Variants in HIPK3 observed in about 807,000 individuals in gnomAD.
The protein encoded by HIPK3 is homeodomain interacting protein kinase 3.
In HIPK3, 47 loss-of-function variants were observed where a neutral mutation model predicts 124.2. The ratio of observed to expected loss-of-function variants is 0.38; its 90% CI spans 0.30 to 0.48. The LOEUF (loss-of-function observed/expected upper bound fraction) is 0.48. HIPK3 is among the 20% of genes least tolerant of loss of function. The probability of loss-of-function intolerance (pLI) is 0.98; values close to 1 mark genes in which losing one functional copy is unlikely to be tolerated. For synonymous variants in HIPK3, 482 were observed against 515.2 expected, an observed-to-expected ratio of 0.94 and a Z score of 0.87; for missense variants, 1,286 against 1,454.3, an observed-to-expected ratio of 0.88 and a Z score of 1.88.
At chr11:33,273,599 G>T (rs146402654) in intron 1 of HIPK3, among the ~76,000 whole-genome samples, 1 of 149,260 alleles carries the variant, frequency 6.7e-6, no homozygotes, top group African/African-American at 2.5e-5. Context: ...AAAGTGGAAT[G>T]TCTGGCAACT....
At chr11:33,327,550 G>C (rs897608309) in intron 2 of HIPK3, among the ~76,000 whole-genome samples, 1 of 152,176 alleles carries the variant, frequency 6.6e-6, no homozygotes, top group Non-Finnish European at 1.5e-5. Context: ...AGCTTAGAAG[G>C]TGGAGATGTA....
chr11:33,257,785 G>A lies in HIPK3; in HGVS notation c.-107G>A, dbSNP rs928321565. On this transcript the variant is annotated 5_prime_UTR_variant, in exon 1 of 17. Transcript: ENST00000303296. ...GAGCCCGGGCTGGGTGGTGCCGCCT[G>A]CTGAAGCGCCTGGCTCCCGGTCCCC... 8 of 986,740 alleles carry A rather than the reference G, an allele frequency of 8.1e-6. No individual in the cohort carries two copies. The highest frequency in any genetic ancestry group is 9.6e-6 in the Non-Finnish European group (8 of 831,056). 61.1% of individuals were successfully genotyped at this position (986,740 alleles called of 1,614,324 possible).
chr11:33,348,844 A>G (rs1211558468), intron 13 of HIPK3, 26 bp downstream of exon 13: 3 of 1,597,822 alleles, frequency 1.9e-6, no homozygotes, highest in Admixed American at 3.4e-5. Flanking sequence ...TGCATCCTCA[A>G]AGGATATAGA....
rs892538329 is a variant in HIPK3, at chr11:33,257,709, C to T, written c.-183C>T. The T allele has an allele frequency of 7.1e-6, 7 of 990,482 alleles. No homozygotes were observed. Among genetic ancestry groups the T allele is most frequent in the African/African-American group, 1.7e-5 (1 of 57,302 alleles). 61.4% of individuals were successfully genotyped at this position (990,482 alleles called of 1,614,324 possible). Reference sequence around the variant, plus strand: ...CAGCGGTCGGGGGAGGGTGTTTCGCCGTTTCCTCTCAGCCGCCAGGACAAG... The same window carrying T: ...CAGCGGTCGGGGGAGGGTGTTTCGCTGTTTCCTCTCAGCCGCCAGGACAAG... On this transcript the variant is annotated 5_prime_UTR_variant, in exon 1 of 17. Transcript: ENST00000303296.
intron 2 of HIPK3, among the ~76,000 whole-genome samples, chr11:33,308,393 A>G (rs532885812): frequency 6.6e-5 from 10 of 152,288 alleles, no homozygotes; most frequent in Admixed American, 5.9e-4. Flanking sequence ...AATTTCTGCA[A>G]AACTATTTTA....
chr11:33,281,607 G>A lies in HIPK3; in HGVS notation c.-2-4806G>A, dbSNP rs550174999. Among the ~76,000 whole-genome samples the A allele has an allele frequency of 9.2e-5, 14 of 152,208 alleles. No individual in the cohort carries two copies. The East Asian group carries it at 2.7e-3, about 29-fold the overall frequency. ...GCCAGTATTGTTACTCTTCACCAAG[G>A]CAAAGAAACCCTCAATTTCTTTATA... On this transcript the variant is annotated intron_variant, in intron 1 of 16. Coordinates refer to ENST00000303296, the MANE Select transcript of HIPK3 (RefSeq NM_005734.5).
At chr11:33,325,706 A>G (rs572614578) in intron 2 of HIPK3, among the ~76,000 whole-genome samples, 1 of 152,202 alleles carries the variant, frequency 6.6e-6, no homozygotes, top group Non-Finnish European at 1.5e-5. Flanking sequence ...TACTGAATGC[A>G]TATTCTTTAC....
chr11:33,273,845 C>G (rs1851203560), intron 1 of HIPK3, among the ~76,000 whole-genome samples: 1 of 152,128 alleles, frequency 6.6e-6, no homozygotes, highest in Non-Finnish European at 1.5e-5. Flanking sequence ...AAGTACTATA[C>G]TCAAGCTTAT....
In HIPK3 at chr11:33,353,879, G is replaced by A. The variant is rs1853746201; in HGVS notation, c.*311G>A. 1 of 326,238 alleles carries A rather than the reference G, an allele frequency of 3.1e-6. No homozygotes were observed. Among genetic ancestry groups the A allele is most frequent in the African/African-American group, 2.1e-5 (1 of 46,750 alleles). 20.2% of individuals were successfully genotyped at this position (326,238 alleles called of 1,614,324 possible). A position where few individuals can be genotyped will look rare whatever the true frequency, so the allele number is the denominator to read the frequency against. ...TAGTGCAAGACACGTCTACATTTGG[G>A]AAGCCATTCTGTGTACAGACTTAGA... On this transcript the variant is annotated 3_prime_UTR_variant, in exon 17 of 17. Coordinates refer to ENST00000303296, the MANE Select transcript of HIPK3 (RefSeq NM_005734.5).
intron 2 of HIPK3, among the ~76,000 whole-genome samples, chr11:33,288,649 C>G (rs1340007780): frequency 6.6e-6 from 1 of 152,166 alleles, no homozygotes; most frequent in Non-Finnish European, 1.5e-5. Context: ...CAATGTAACA[C>G]TAGCCTGAAG....
intron 1 of HIPK3, among the ~76,000 whole-genome samples, chr11:33,271,329 T>C (rs1014032869): frequency 6.6e-6 from 1 of 152,216 alleles, no homozygotes; most frequent in Non-Finnish European, 1.5e-5. Context: ...ATCTCAGCAC[T>C]TTGAGAGGCC....
intron 2 of HIPK3, among the ~76,000 whole-genome samples, chr11:33,304,359 A>C (rs1033310478): frequency 1.3e-5 from 2 of 152,144 alleles, no homozygotes; most frequent in Non-Finnish European, 2.9e-5. Flanking sequence ...GGACTTCGAG[A>C]CCAACCTGAC....
intron 8 of HIPK3, among the ~76,000 whole-genome samples, chr11:33,346,998 G>A (rs1853512706): frequency 6.6e-6 from 1 of 152,022 alleles, no homozygotes; most frequent in South Asian, 2.1e-4. Flanking sequence ...AGACCAGCCT[G>A]AGCAACATAG....
At chr11:33,283,272 G>T (rs559594184) in intron 1 of HIPK3, among the ~76,000 whole-genome samples, 24 of 152,048 alleles carry the variant, frequency 1.6e-4, no homozygotes, top group African/African-American at 5.5e-4. Flanking sequence ...CACCACTCCC[G>T]GCTAATTTTT....
At chr11:33,318,522 AG>A (rs1371282543) in intron 2 of HIPK3, among the ~76,000 whole-genome samples, 5 of 152,228 alleles carry the variant, frequency 3.3e-5, no homozygotes, top group African/African-American at 1.2e-4. Context: ...ATCTATTAAA[AG>A]TTTTTATATG....
intron 8 of HIPK3, among the ~76,000 whole-genome samples, 157 bp from the exon 9 acceptor site, chr11:33,347,136 T>C (rs1853517686): frequency 6.6e-6 from 1 of 151,460 alleles, no homozygotes; most frequent in Non-Finnish European, 1.5e-5. Flanking sequence ...GTATGGATCA[T>C]GCCACTGTGC....
intron 1 of HIPK3, among the ~76,000 whole-genome samples, chr11:33,263,916 G>A (rs1407787398): frequency 6.6e-6 from 1 of 152,168 alleles, no homozygotes; most frequent in Non-Finnish European, 1.5e-5. Flanking sequence ...GAAGCTGCAA[G>A]TGTGAAGACT....
chr11:33,288,683 A>C (rs1023304093), intron 2 of HIPK3, among the ~76,000 whole-genome samples: 1 of 152,250 alleles, frequency 6.6e-6, no homozygotes, highest in Admixed American at 6.5e-5. Flanking sequence ...ATGAGAGGCT[A>C]ACTAATGATT....
Position 33,286,413 on chromosome 11 carries a change from G to C in HIPK3, c.-2G>C. 2 of 1,347,976 alleles carry C rather than the reference G, an allele frequency of 1.5e-6. No individual in the cohort carries two copies. The highest frequency in any genetic ancestry group is 1.9e-6 in the Non-Finnish European group (2 of 1,039,858). The allele number at this position is 1,347,976 out of a possible 1,614,324, so 83.5% of individuals were successfully genotyped here. On this transcript the variant is annotated splice_region_variant and 5_prime_UTR_variant, in exon 2 of 17. Coordinates refer to ENST00000303296, the MANE Select transcript of HIPK3 (RefSeq NM_005734.5). The stretch of plus-strand genomic sequence containing the variant: ...TTCCTTTTTTTTTTTTTTTTTGCAG[G>C]TATGGCCTCACAAGTCTTGGTCTAC...
Sources: gnomAD v4.1 joint callset for allele counts (sites outside exome capture counted in the v4.1 genomes callset) on GRCh38, gnomAD v4.1.1 for gene constraint, MANE v1.5 for transcripts, NCBI Gene and HGNC (gene_info 2026-07-23, HGNC 2026-07-21) for gene names.